Variants in CSMD1 observed in about 807,000 individuals in gnomAD.
CSMD1 encodes CUB and sushi domain-containing protein 1.
A neutral mutation model predicts 417.5 loss-of-function variants in CSMD1; 213 were observed. The observed-to-expected ratio is 0.51, with a 90% CI of 0.46 to 0.57. The LOEUF is 0.57. Among genes scored for constraint, CSMD1 ranks in the 20% least tolerant of loss-of-function variants. The pLI, the probability that CSMD1 is intolerant of heterozygous loss-of-function variation, is 0.00. For missense variants in CSMD1, 6,923 were observed against 4,529.7 expected (o/e 1.53, Z -15.17); for synonymous variants, 2,862 against 1,736.8 (o/e 1.65, Z -16.11).
At chr8:3,336,029 T>C (rs187301877) in intron 23 of CSMD1, among the ~76,000 whole-genome samples, 3 of 152,268 alleles carry the variant, frequency 2.0e-5, no homozygotes, top group Admixed American at 1.3e-4. Context: ...ATTTCTCCCA[T>C]AGGACTGTGT....
chr8:3,616,084 G>A (rs1802123227), intron 8 of CSMD1, among the ~76,000 whole-genome samples: 2 of 152,168 alleles, frequency 1.3e-5, no homozygotes, highest in South Asian at 4.2e-4. Flanking sequence ...ATAACTATGA[G>A]GAGATAATTA....
chr8:3,208,462 T>G (rs1797427182), intron 30 of CSMD1, among the ~76,000 whole-genome samples: 1 of 152,158 alleles, frequency 6.6e-6, no homozygotes, highest in Admixed American at 6.5e-5. Context: ...AGATGGGATT[T>G]CACCATGTTG....
chr8:4,109,188 T>G (rs1563134898), intron 3 of CSMD1, among the ~76,000 whole-genome samples: 1 of 152,166 alleles, frequency 6.6e-6, no homozygotes. Flanking sequence ...CATGGAATAA[T>G]AGCCAGAAAA....
At position 4,030,182 on chromosome 8, in the gene CSMD1, C is replaced by G. The variant is rs1026550776; in HGVS notation, c.610+1723G>C. ...CATTCTGGAGTCTGAAGGATGGTAG[C>G]CTTCTTCTCACAGCTCAACTAGGGC... is the stretch of plus-strand genomic sequence containing the variant. On this transcript the variant is annotated intron_variant, in intron 4 of 69. Coordinates refer to ENST00000635120, the MANE Select transcript of CSMD1 (RefSeq NM_033225.6). 4.3e-5 allele frequency among the ~76,000 whole-genome samples: 5 copies of G among 116,492 alleles called. No homozygotes were observed. In the East Asian group the frequency reaches 1.4e-3, roughly 31 times the overall value. The allele number at this position is 116,492 out of a possible 152,430, so 76.4% of individuals were successfully genotyped here.
At chr8:3,533,367 T>C (rs965323449) in intron 10 of CSMD1, among the ~76,000 whole-genome samples, 2 of 152,190 alleles carry the variant, frequency 1.3e-5, no homozygotes, top group African/African-American at 2.4e-5. Context: ...AAGAGAACTT[T>C]ATACTCCTTG....
chr8:4,852,891 T>A (rs1801566607), intron 1 of CSMD1, among the ~76,000 whole-genome samples: 1 of 152,116 alleles, frequency 6.6e-6, no homozygotes. Context: ...GCCCTAGGAA[T>A]CTGTGGAAGG....
intron 12 of CSMD1, among the ~76,000 whole-genome samples, chr8:3,422,704 C>G (rs270077): frequency 1.3e-5 from 2 of 152,106 alleles, no homozygotes; most frequent in African/African-American, 4.8e-5. Flanking sequence ...TATTTTTCAT[C>G]GTCTTAGTCC....
chr8:3,585,763 A>T (rs1800572126), intron 9 of CSMD1, among the ~76,000 whole-genome samples: 1 of 152,186 alleles, frequency 6.6e-6, no homozygotes, highest in Admixed American at 6.5e-5. Flanking sequence ...ACCTCACTGC[A>T]ATAGGAAAGT....
At chr8:4,077,571 C>A (rs1585263640) in intron 3 of CSMD1, among the ~76,000 whole-genome samples, 1 of 152,020 alleles carries the variant, frequency 6.6e-6, no homozygotes, top group African/African-American at 2.4e-5. Context: ...TAAACCACTG[C>A]TATGCCTATC....
At chr8:4,452,092 A>T (rs1478092491) in intron 2 of CSMD1, among the ~76,000 whole-genome samples, 2 of 152,066 alleles carry the variant, frequency 1.3e-5, no homozygotes. Flanking sequence ...CTTTCTTTAG[A>T]AATTTAGGGC....
chr8:3,773,796 A>T (rs1303821682), intron 5 of CSMD1, among the ~76,000 whole-genome samples: 1 of 152,186 alleles, frequency 6.6e-6, no homozygotes, highest in African/African-American at 2.4e-5. Flanking sequence ...TTCAAGTGGC[A>T]GGCCCATCTA....
intron 12 of CSMD1, among the ~76,000 whole-genome samples, chr8:3,410,326 A>T (rs1812606825): frequency 6.6e-6 from 1 of 152,220 alleles, no homozygotes; most frequent in African/African-American, 2.4e-5. Flanking sequence ...GGCTTAGTGA[A>T]TAAATGAGAC....
At chr8:4,562,046 T>G (rs535915457) in intron 2 of CSMD1, among the ~76,000 whole-genome samples, 134 of 152,234 alleles carry the variant, frequency 8.8e-4, no homozygotes, top group South Asian at 5.8e-3. Flanking sequence ...ACATATTCAA[T>G]GCAGCCAGCA....
At chr8:4,188,331 A>G (rs1798805729) in intron 3 of CSMD1, among the ~76,000 whole-genome samples, 1 of 152,186 alleles carries the variant, frequency 6.6e-6, no homozygotes, top group African/African-American at 2.4e-5. Context: ...TCTGGACCAA[A>G]TGAAAGACAA....
chr8:3,426,941 G>T (rs569786644), intron 12 of CSMD1, among the ~76,000 whole-genome samples: 1 of 152,138 alleles, frequency 6.6e-6, no homozygotes, highest in East Asian at 1.9e-4. Flanking sequence ...ACTTACAATC[G>T]TGGTGGAAGG....
chr8:3,678,468 AAGAAG>A (rs1799492809), intron 7 of CSMD1, among the ~76,000 whole-genome samples: 1 of 152,172 alleles, frequency 6.6e-6, no homozygotes, highest in Non-Finnish European at 1.5e-5. Flanking sequence ...GAAATGAAGT[AAGAAG>A]AGAAGTTTAG....
chr8:3,338,485 A>G (rs913122946), intron 23 of CSMD1, among the ~76,000 whole-genome samples: 1 of 152,232 alleles, frequency 6.6e-6, no homozygotes, highest in Non-Finnish European at 1.5e-5. Flanking sequence ...TCCCCCAAAA[A>G]TGAAAATTCA....
At chr8:4,162,066 A>G (rs1797205824) in intron 3 of CSMD1, among the ~76,000 whole-genome samples, 1 of 152,212 alleles carries the variant, frequency 6.6e-6, no homozygotes, top group Non-Finnish European at 1.5e-5. Context: ...CAACCTTGAT[A>G]AGCAAGTAAG....
chr8:4,369,628 T>C (rs911759464), intron 3 of CSMD1, among the ~76,000 whole-genome samples: 1 of 152,232 alleles, frequency 6.6e-6, no homozygotes, highest in Non-Finnish European at 1.5e-5. Context: ...TGCTCCCACG[T>C]TGAGTGACTT....
Sources: gnomAD v4.1 joint callset for allele counts (sites outside exome capture counted in the v4.1 genomes callset) on GRCh38, gnomAD v4.1.1 for gene constraint, MANE v1.5 for transcripts, NCBI Gene and HGNC (gene_info 2026-07-23, HGNC 2026-07-21) for gene names.